ST8SIA6: variants seen among roughly 807,000 people sequenced by gnomAD.
ST8SIA6 encodes the protein ST8 alpha-N-acetyl-neuraminide alpha-2,8-sialyltransferase 6.
ST8SIA6 carries 39 observed loss-of-function variants against 33.6 expected under a neutral mutation model. The ratio of observed to expected loss-of-function variants is 1.16; its 90% CI spans 0.90 to 1.52. The LOEUF is 1.52. ST8SIA6 is among the 40% of genes most tolerant of loss of function. ST8SIA6 has a pLI of 0.00. For missense variants in ST8SIA6, 441 were observed against 443.8 expected, an observed-to-expected ratio of 0.99 and a Z score of 0.06; for synonymous variants, 172 against 167.2, an observed-to-expected ratio of 1.03 and a Z score of -0.22.
chr10:17,454,507 G>A lies in ST8SIA6; in HGVS notation c.-252C>T, dbSNP rs548503797. On this transcript the variant is annotated 5_prime_UTR_variant, in exon 1 of 8. Coordinates refer to ENST00000377602, the MANE Select transcript of ST8SIA6 (RefSeq NM_001004470.3). The surrounding 1 kb of genome is among the most constrained non-coding windows in gnomAD (Gnocchi z 4.1). ...GGCCCGCGGAGCGCCGCGATCGGCT[G>A]GCAGATGACGATTCGCCGAGCTCGC... Among the ~76,000 whole-genome samples the A allele has an allele frequency of 6.6e-6, 1 of 151,998 alleles. No homozygotes were observed. Among genetic ancestry groups the A allele is most frequent in the South Asian group, 2.1e-4 (1 of 4,830 alleles).
chr10:17,354,133 C>T (rs1302098878), intron 4 of ST8SIA6, among the ~76,000 whole-genome samples: 1 of 152,100 alleles, frequency 6.6e-6, no homozygotes, highest in African/African-American at 2.4e-5. Context: ...GGGATAAAAC[C>T]TGCTTACCAG....
chr10:17,385,013 T>C (rs1850282437), intron 3 of ST8SIA6, among the ~76,000 whole-genome samples: 1 of 151,674 alleles, frequency 6.6e-6, no homozygotes, highest in African/African-American at 2.4e-5. Context: ...TTGTTTTTTG[T>C]TTGTTTGTTT....
chr10:17,327,153 A>T (rs750945264), intron 5 of ST8SIA6, 27 bp from the exon 6 acceptor site: 1 of 1,534,074 alleles, frequency 6.5e-7, no homozygotes, highest in Non-Finnish European at 8.9e-7. Flanking sequence ...GAAAACTACC[A>T]TGAAATACCG....
rs117307646 is a variant in ST8SIA6, at chr10:17,315,434, T to C, written c.*5444A>G. On this transcript the variant is annotated 3_prime_UTR_variant, in exon 8 of 8. Coordinates refer to ENST00000377602, the MANE Select transcript of ST8SIA6 (RefSeq NM_001004470.3). ...AAGACTTGCACATTAATGTTCATGA[T>C]ACCTTTATTTGTAATAGCCAAAACC... Among the ~76,000 whole-genome samples, 2,756 of 152,140 alleles carry C rather than the reference T, an allele frequency of 0.018. 53 individuals carry two copies. Among genetic ancestry groups the C allele is most frequent in the South Asian group, 0.098 (470 of 4,816 alleles).
Position 17,323,238 on chromosome 10 carries a change from C to A in ST8SIA6, c.636-81G>T. On this transcript the variant is annotated intron_variant, in intron 6 of 7. Transcript: ENST00000377602. ...ATACACACATATGCGCGCACACACA[C>A]ACACACACACACCTATCTATAATAA... 5.1e-6 allele frequency: 4 copies of A among 789,538 alleles called. 1 individual carries two copies. In the South Asian group the frequency reaches 7.1e-5, roughly 14 times the overall value. 48.9% of individuals were successfully genotyped at this position (789,538 alleles called of 1,614,324 possible).
At chr10:17,326,569 T>G (rs1053903115) in intron 6 of ST8SIA6, among the ~76,000 whole-genome samples, 1 of 152,198 alleles carries the variant, frequency 6.6e-6, no homozygotes, top group African/African-American at 2.4e-5. Context: ...GAAAAATGTC[T>G]TGATCAGCAT....
In ST8SIA6 at chr10:17,320,011, C is replaced by T. The variant is rs1168322159; in HGVS notation, c.*867G>A. 1 of 152,140 alleles carries T rather than the reference C, an allele frequency of 6.6e-6. No homozygotes were observed. The highest frequency in any genetic ancestry group is 1.5e-5 in the Non-Finnish European group (1 of 68,024). The allele number at this position is 152,140 out of a possible 1,614,324, so 9.4% of individuals were successfully genotyped here. A position where few individuals can be genotyped will look rare whatever the true frequency, so the allele number is the denominator to read the frequency against. On this transcript the variant is annotated 3_prime_UTR_variant, in exon 8 of 8. Transcript: ENST00000377602. The stretch of plus-strand genomic sequence containing the variant: ...TAATGATATGCACATCTGTTTTCTC[C>T]TACAAGAGGCAATAATCCTTCTTGT...
chr10:17,370,015 G>A (rs936251570), intron 3 of ST8SIA6, among the ~76,000 whole-genome samples: 13 of 149,330 alleles, frequency 8.7e-5, no homozygotes, highest in Admixed American at 2.0e-4. Context: ...TTTTGGAGAC[G>A]GAGTCTAGCT....
At chr10:17,349,471 G>A (rs938565495) in intron 4 of ST8SIA6, among the ~76,000 whole-genome samples, 3 of 152,056 alleles carry the variant, frequency 2.0e-5, no homozygotes, top group Non-Finnish European at 4.4e-5. Context: ...AATATATAAC[G>A]GACTCTGTAC....
intron 2 of ST8SIA6, among the ~76,000 whole-genome samples, chr10:17,429,900 A>C (rs1219312266): frequency 6.6e-6 from 1 of 151,948 alleles, no homozygotes; most frequent in African/African-American, 2.4e-5. Flanking sequence ...TCTTTGTTAA[A>C]ATTTTTTTAT....
At chr10:17,412,460 A>T (rs967428760) in intron 2 of ST8SIA6, among the ~76,000 whole-genome samples, 6 of 152,146 alleles carry the variant, frequency 3.9e-5, no homozygotes, top group African/African-American at 1.4e-4. Flanking sequence ...TCCTGCATTA[A>T]GTGTCTGGCA....
At chr10:17,426,706 G>A (rs1444036500) in intron 2 of ST8SIA6, among the ~76,000 whole-genome samples, 1 of 152,214 alleles carries the variant, frequency 6.6e-6, no homozygotes, top group Non-Finnish European at 1.5e-5. Context: ...CAATGTAAAA[G>A]CGTGGTGGTC....
intron 4 of ST8SIA6, among the ~76,000 whole-genome samples, chr10:17,342,029 G>T (rs1273409055): frequency 6.6e-6 from 1 of 151,612 alleles, no homozygotes; most frequent in Admixed American, 6.6e-5. Flanking sequence ...ATACTTCACA[G>T]CCTCCAGAAC....
At chr10:17,340,987 A>G (rs1004958790) in intron 4 of ST8SIA6, among the ~76,000 whole-genome samples, 3 of 152,166 alleles carry the variant, frequency 2.0e-5, no homozygotes, top group East Asian at 3.9e-4. Context: ...TTGTGCAGCT[A>G]CGGGAGGCAA....
intron 2 of ST8SIA6, among the ~76,000 whole-genome samples, chr10:17,412,732 T>TATACTTTTGATAGAATATGATATG (rs374612486): frequency 0.044 from 6,724 of 152,274 alleles, 206 homozygotes; most frequent in Non-Finnish European, 0.061. Flanking sequence ...TATATGGTAA[T>TATACTTTTGATAGAATATGATATG]ATACAATATG....
chr10:17,358,741 A>C (rs1037416363), intron 4 of ST8SIA6, among the ~76,000 whole-genome samples: 15 of 125,802 alleles, frequency 1.2e-4, no homozygotes, highest in African/African-American at 1.6e-4. Context: ...AAGAGGAAAA[A>C]GGAGGAGGAG....
rs1486975789 is a variant in ST8SIA6, at chr10:17,359,562, A to G, written c.329T>C (p.Ile110Thr). Residue 110 changes from isoleucine to threonine, a missense_variant, in exon 4 of 8, where the codon ATA becomes ACA. Transcript: ENST00000377602. ...ENDYLQIITDIQSCPWKRQAE... is the reference protein window; with the variant it reads ...ENDYLQIITDTQSCPWKRQAE... Reference sequence around the variant, plus strand: ...TTGCCGTTTCCATGGACAACTCTGTATATCTGTGATAATCTGAAGGTAGTC... The same window carrying G: ...TTGCCGTTTCCATGGACAACTCTGTGTATCTGTGATAATCTGAAGGTAGTC... 5 of 1,607,794 alleles carry G rather than the reference A, an allele frequency of 3.1e-6. No homozygotes were observed. The highest frequency in any genetic ancestry group is 4.2e-6 in the Non-Finnish European group (5 of 1,177,786).
At chr10:17,430,670 G>T (rs1174722401) in intron 2 of ST8SIA6, among the ~76,000 whole-genome samples, 1 of 152,020 alleles carries the variant, frequency 6.6e-6, no homozygotes. Flanking sequence ...ATGTTTGTTG[G>T]CCATTTGTAT....
At chr10:17,387,141 G>C (rs1390233459) in intron 3 of ST8SIA6, 1 of 152,384 alleles carries the variant, frequency 6.6e-6, no homozygotes, top group Non-Finnish European at 1.5e-5. Context: ...AGGGTGAAAA[G>C]CTATGAGGGT....
Sources: gnomAD v4.1 joint callset for allele counts (sites outside exome capture counted in the v4.1 genomes callset) on GRCh38, gnomAD v4.1.1 for gene constraint, Gnocchi (gnomAD v3.1) non-coding constraint, MANE v1.5 for transcripts, NCBI Gene and HGNC (gene_info 2026-07-23, HGNC 2026-07-21) for gene names.